Variants in NKAIN2 observed in about 807,000 individuals in gnomAD.
The protein encoded by NKAIN2 is sodium/potassium-transporting ATPase subunit beta-1-interacting protein 2.
Under a neutral mutation model 32.6 loss-of-function variants are expected in NKAIN2, and 14 were observed. The observed-to-expected ratio is 0.43, with a 90% CI of 0.28 to 0.67. The LOEUF is 0.67. Among genes scored for constraint, NKAIN2 ranks in the 30% least tolerant of loss-of-function variants. The pLI is 0.17. For missense variants in NKAIN2, 198 were observed against 258.3 expected, an observed-to-expected ratio of 0.77 and a Z score of 1.60; for synonymous variants, 80 against 87.2, an observed-to-expected ratio of 0.92 and a Z score of 0.46.
intron 3 of NKAIN2, among the ~76,000 whole-genome samples, chr6:124,653,323 A>G (rs1226248751): frequency 6.6e-6 from 1 of 152,064 alleles, no homozygotes; most frequent in African/African-American, 2.4e-5. Flanking sequence ...AACAGAATAG[A>G]GAACCTAGAA....
chr6:124,233,231 A>G (rs1258320150), intron 1 of NKAIN2, among the ~76,000 whole-genome samples: 1 of 152,180 alleles, frequency 6.6e-6, no homozygotes, highest in Non-Finnish European at 1.5e-5. Flanking sequence ...TTAGAGAAAA[A>G]AAAAAACAGA....
intron 2 of NKAIN2, among the ~76,000 whole-genome samples, chr6:124,317,632 A>G (rs1483682988): frequency 6.6e-6 from 1 of 152,008 alleles, no homozygotes; most frequent in Non-Finnish European, 1.5e-5. Context: ...TAACTTATAT[A>G]CTATTTTAAC....
intron 4 of NKAIN2, among the ~76,000 whole-genome samples, chr6:124,716,212 A>G (rs1460980455): frequency 1.3e-5 from 2 of 152,222 alleles, no homozygotes; most frequent in Admixed American, 6.5e-5. Flanking sequence ...GATAATAGAC[A>G]TTCCTCTCAG....
chr6:123,956,339 T>C (rs1777589348), intron 1 of NKAIN2, among the ~76,000 whole-genome samples: 3 of 152,176 alleles, frequency 2.0e-5, no homozygotes, highest in Admixed American at 6.5e-5. Context: ...AAACAGAACC[T>C]TAAAAATGTA....
chr6:124,394,679 G>A (rs1314130647), intron 3 of NKAIN2, among the ~76,000 whole-genome samples: 1 of 151,244 alleles, frequency 6.6e-6, no homozygotes, highest in Non-Finnish European at 1.5e-5. Flanking sequence ...CAGTGTCCCA[G>A]GTCAGCGGTC....
intron 4 of NKAIN2, among the ~76,000 whole-genome samples, chr6:124,759,307 T>C (rs1778111573): frequency 6.6e-6 from 1 of 152,170 alleles, no homozygotes; most frequent in Non-Finnish European, 1.5e-5. Flanking sequence ...CAAAACATTG[T>C]TGAATCTCAT....
At chr6:123,881,946 C>G (rs114581997) in intron 1 of NKAIN2, among the ~76,000 whole-genome samples, 1 of 151,768 alleles carries the variant, frequency 6.6e-6, no homozygotes, top group Non-Finnish European at 1.5e-5. Context: ...TTCAATATAC[C>G]GTATTACTAA....
intron 4 of NKAIN2, among the ~76,000 whole-genome samples, chr6:124,708,686 T>A (rs1363973726): frequency 6.6e-6 from 1 of 152,068 alleles, no homozygotes; most frequent in African/African-American, 2.4e-5. Context: ...GTACATTGAT[T>A]TTGTATCCTG....
intron 3 of NKAIN2, among the ~76,000 whole-genome samples, chr6:124,641,734 A>G (rs1583569473): frequency 6.6e-6 from 1 of 150,932 alleles, no homozygotes; most frequent in Middle Eastern, 3.5e-3. Flanking sequence ...TTTATTTTGT[A>G]TTTTTAGTAG....
At chr6:124,142,091 C>A (rs1407389844) in intron 1 of NKAIN2, among the ~76,000 whole-genome samples, 1 of 152,130 alleles carries the variant, frequency 6.6e-6, no homozygotes, top group East Asian at 1.9e-4. Context: ...TGACATTATT[C>A]CACAATTTAC....
chr6:124,664,229 C>A (rs1772650375), intron 4 of NKAIN2, among the ~76,000 whole-genome samples: 1 of 150,824 alleles, frequency 6.6e-6, no homozygotes, highest in Admixed American at 6.6e-5. Context: ...GATCTGAGAT[C>A]ATACCATTTC....
At chr6:124,155,448 A>G (rs1384715358) in intron 1 of NKAIN2, among the ~76,000 whole-genome samples, 2 of 152,124 alleles carry the variant, frequency 1.3e-5, no homozygotes, top group East Asian at 3.8e-4. Flanking sequence ...TATGTCAATT[A>G]AAAAGAAAAA....
intron 4 of NKAIN2, among the ~76,000 whole-genome samples, chr6:124,751,735 T>G (rs560982831): frequency 6.6e-6 from 1 of 151,430 alleles, no homozygotes; most frequent in Non-Finnish European, 1.5e-5. Context: ...TCCTAACACT[T>G]TAGGAGGCTA....
chr6:124,820,959 T>A (rs1781370008), intron 6 of NKAIN2, among the ~76,000 whole-genome samples: 1 of 152,056 alleles, frequency 6.6e-6, no homozygotes, highest in Non-Finnish European at 1.5e-5. Flanking sequence ...TGCTGACATA[T>A]AACATCAGCT....
intron 3 of NKAIN2, among the ~76,000 whole-genome samples, chr6:124,585,736 A>G (rs1006430527): frequency 6.6e-6 from 1 of 151,848 alleles, no homozygotes; most frequent in African/African-American, 2.4e-5. Flanking sequence ...AGTTATTATT[A>G]CACACTTATT....
At chr6:124,305,301 C>T (rs951960805) in intron 2 of NKAIN2, among the ~76,000 whole-genome samples, 3 of 152,088 alleles carry the variant, frequency 2.0e-5, no homozygotes, top group African/African-American at 7.2e-5. Context: ...GAGGCCACCT[C>T]GGAGGCAATC....
chr6:124,158,135 A>G (rs1788080737), intron 1 of NKAIN2, among the ~76,000 whole-genome samples: 3 of 152,262 alleles, frequency 2.0e-5, no homozygotes, highest in South Asian at 4.2e-4. Flanking sequence ...TCACAGTTCA[A>G]ATGTCAAAGT....
chr6:123,904,225 CT>C (rs1229339649), intron 1 of NKAIN2, among the ~76,000 whole-genome samples: 8 of 150,592 alleles, frequency 5.3e-5, no homozygotes, highest in African/African-American at 2.0e-4. Context: ...GAGTGAAACT[CT>C]GCTTAAAAAA....
At chr6:124,458,265 G>A (rs114825000) in intron 3 of NKAIN2, among the ~76,000 whole-genome samples, 2,823 of 151,976 alleles carry the variant, frequency 0.019, 93 homozygotes, top group African/African-American at 0.065. Flanking sequence ...ATTATTTTAA[G>A]GTAAAGTATA....
Sources: gnomAD v4.1 joint callset for allele counts (sites outside exome capture counted in the v4.1 genomes callset) on GRCh38, gnomAD v4.1.1 for gene constraint, MANE v1.5 for transcripts, NCBI Gene and HGNC (gene_info 2026-07-23, HGNC 2026-07-21) for gene names.